CCDC7: variants seen among roughly 807,000 people sequenced by gnomAD.
CCDC7 encodes the protein coiled-coil domain-containing protein 7.
A neutral mutation model predicts 196.9 loss-of-function variants in CCDC7; 183 were observed. The ratio of observed to expected loss-of-function variants is 0.93; its 90% confidence interval spans 0.82 to 1.05. The LOEUF (loss-of-function observed/expected upper bound fraction) is 1.05, where lower values mean the gene tolerates loss of function less well. Ranked by LOEUF, CCDC7 falls within the 50% of genes least tolerant of loss-of-function variation. The pLI, the probability that CCDC7 is intolerant of heterozygous loss-of-function variation, is 0.00. For synonymous variants in CCDC7, 525 were observed against 484.6 expected, an observed-to-expected ratio of 1.08 and a Z score of -1.10; for missense variants, 1,540 against 1,482.2, an observed-to-expected ratio of 1.04 and a Z score of -0.64.
chr10:32,820,316 T>C (rs865843383), intron 31 of CCDC7, among the ~76,000 whole-genome samples: 1 of 152,204 alleles, frequency 6.6e-6, no homozygotes, highest in South Asian at 2.1e-4. Context: ...TAAAAGAGGA[T>C]ACAAACAAAT....
chr10:32,502,940 C>T (rs2044304136), intron 9 of CCDC7, among the ~76,000 whole-genome samples: 1 of 151,694 alleles, frequency 6.6e-6, no homozygotes, highest in Admixed American at 6.6e-5. Flanking sequence ...GTTTTCTTGC[C>T]TTCTTTTTTA....
intron 28 of CCDC7, among the ~76,000 whole-genome samples, chr10:32,763,461 C>T (rs942845899): frequency 3.3e-5 from 5 of 151,892 alleles, no homozygotes; most frequent in African/African-American, 1.2e-4. Context: ...TACCATATAA[C>T]CCAGCAATTC....
At chr10:32,647,919 A>T (rs2068059655) in intron 20 of CCDC7, among the ~76,000 whole-genome samples, 2 of 152,262 alleles carry the variant, frequency 1.3e-5, no homozygotes, top group Non-Finnish European at 2.9e-5. Flanking sequence ...ATGCCAAGAA[A>T]AATATTTCCT....
chr10:32,766,914 C>T (rs578239645), intron 28 of CCDC7, among the ~76,000 whole-genome samples: 4 of 152,204 alleles, frequency 2.6e-5, no homozygotes, highest in African/African-American at 9.6e-5. Context: ...TGTGATTACT[C>T]GCTTGATTTC....
At chr10:32,857,273 CTTAA>C (rs1366196334) in intron 41 of CCDC7, among the ~76,000 whole-genome samples, 1 of 152,104 alleles carries the variant, frequency 6.6e-6, no homozygotes, top group Non-Finnish European at 1.5e-5. Flanking sequence ...GCAAATAGAA[CTTAA>C]TTAAACTAAA....
chr10:32,833,514 T>G (rs1389229199), intron 32 of CCDC7, among the ~76,000 whole-genome samples: 4 of 152,104 alleles, frequency 2.6e-5, no homozygotes, highest in African/African-American at 9.7e-5. Context: ...AACCTATCTG[T>G]CCTCAAATAC....
At chr10:32,669,359 G>T (rs2073565443) in intron 21 of CCDC7, among the ~76,000 whole-genome samples, 1 of 152,074 alleles carries the variant, frequency 6.6e-6, no homozygotes, top group Non-Finnish European at 1.5e-5. Flanking sequence ...TTCTTGTAGT[G>T]TCCTTGTCTG....
chr10:32,851,290 A>G (rs1593445737), intron 39 of CCDC7, among the ~76,000 whole-genome samples: 2 of 152,110 alleles, frequency 1.3e-5, no homozygotes, highest in East Asian at 3.9e-4. Context: ...TTTTGTCTGT[A>G]GATATATTTA....
intron 11 of CCDC7, among the ~76,000 whole-genome samples, chr10:32,522,804 A>T (rs2048074318): frequency 6.6e-6 from 1 of 151,962 alleles, no homozygotes; most frequent in African/African-American, 2.4e-5. Context: ...TGTAGCTATG[A>T]AGTTTCCTCT....
intron 18 of CCDC7, among the ~76,000 whole-genome samples, chr10:32,586,196 CCTTCG>C (rs2059256530): frequency 6.6e-6 from 1 of 152,122 alleles, no homozygotes; most frequent in Non-Finnish European, 1.5e-5. Flanking sequence ...CTGTTCATAT[CCTTCG>C]CCCACTTTTT....
At chr10:32,708,142 G>C (rs1278126071) in intron 24 of CCDC7, among the ~76,000 whole-genome samples, 7 of 152,012 alleles carry the variant, frequency 4.6e-5, no homozygotes, top group Non-Finnish European at 8.8e-5. Context: ...CAATGGAAAA[G>C]AATAGAGCCC....
At chr10:32,661,434 T>G (rs2071417111) in intron 20 of CCDC7, among the ~76,000 whole-genome samples, 1 of 152,152 alleles carries the variant, frequency 6.6e-6, no homozygotes, top group Admixed American at 6.6e-5. Context: ...TCTGTTTTTC[T>G]TAAGCAGAGG....
chr10:32,772,162 T>C (rs2079266027), intron 28 of CCDC7, among the ~76,000 whole-genome samples: 1 of 152,146 alleles, frequency 6.6e-6, no homozygotes, highest in South Asian at 2.1e-4. Flanking sequence ...CCTGTGGGTG[T>C]TGGGGAATGG....
At chr10:32,872,391 G>A (rs1424819101) in intron 41 of CCDC7, among the ~76,000 whole-genome samples, 1 of 151,544 alleles carries the variant, frequency 6.6e-6, no homozygotes. Context: ...CATTTGCTTC[G>A]TAGATCTTCC....
chr10:32,863,961 A>G (rs2094109977), intron 41 of CCDC7, among the ~76,000 whole-genome samples: 1 of 150,872 alleles, frequency 6.6e-6, no homozygotes, highest in Admixed American at 6.6e-5. Context: ...ACAATTAACA[A>G]AATGAAAAGG....
At chr10:32,847,725 A>G (rs1418114623) in intron 37 of CCDC7, 108 bp from the exon 39 acceptor site, 2 of 698,752 alleles carry the variant, frequency 2.9e-6, no homozygotes, top group African/African-American at 3.7e-5. Context: ...TAAAAAAAAA[A>G]AGGAAAAGAA....
At chr10:32,508,138 TCCCCCA>T in intron 9 of CCDC7, among the ~76,000 whole-genome samples, 1 of 152,030 alleles carries the variant, frequency 6.6e-6, no homozygotes, top group East Asian at 1.9e-4. Flanking sequence ...TAAGGATGCT[TCCCCCA>T]CCCCCATCAA....
intron 18 of CCDC7, among the ~76,000 whole-genome samples, chr10:32,629,054 A>G (rs542163297): frequency 2.0e-5 from 3 of 152,210 alleles, no homozygotes; most frequent in African/African-American, 7.2e-5. Flanking sequence ...TTTCGTTATT[A>G]ATGTTCCATC....
At chr10:32,499,602 T>A (rs1480265189) in intron 9 of CCDC7, among the ~76,000 whole-genome samples, 6 of 151,946 alleles carry the variant, frequency 3.9e-5, no homozygotes, top group Non-Finnish European at 8.8e-5. Context: ...TTTTTTATTT[T>A]TTTATTTTTT....
Sources: gnomAD v4.1 joint callset for allele counts (sites outside exome capture counted in the v4.1 genomes callset) on GRCh38, gnomAD v4.1.1 for gene constraint, MANE v1.5 for transcripts, NCBI Gene and HGNC (gene_info 2026-07-23, HGNC 2026-07-21) for gene names.